The following HMOX1 variants were observed in gnomAD, a reference collection of about 807,000 sequenced individuals.
The protein encoded by HMOX1 is heat shock protein, 32-kD.
In HMOX1, 22 loss-of-function variants were observed where a neutral mutation model predicts 27.8. The ratio of observed to expected loss-of-function variants is 0.79; its 90% CI spans 0.57 to 1.13. HMOX1 has a LOEUF of 1.13. HMOX1 is among the 50% of genes most tolerant of loss of function. The pLI, the probability that HMOX1 is intolerant of heterozygous loss-of-function variation, is 0.00. For missense variants in HMOX1, 379 were observed against 377.7 expected (o/e 1.00, Z -0.03); for synonymous variants, 153 against 151.6 (o/e 1.01, Z -0.07).
intron 4 of HMOX1, among the ~76,000 whole-genome samples, chr22:35,392,779 G>A (rs181149247): frequency 8.6e-5 from 13 of 150,482 alleles, no homozygotes; most frequent in Admixed American, 2.7e-4. Flanking sequence ...GTACAGTGGC[G>A]CAATCTTGGC....
At chr22:35,389,300 T>TTTCTTTCTTTCTTTC (rs1931613562) in intron 3 of HMOX1, among the ~76,000 whole-genome samples, 3 of 83,268 alleles carry the variant, frequency 3.6e-5, no homozygotes, top group Admixed American at 1.1e-4. Context: ...TTCTTTCTTC[T>TTTCTTTCTTTCTTTC]TTCTTTCTTT....
In HMOX1 at chr22:35,389,287, CTCTT is replaced by C. The variant is rs1931609747; in HGVS notation, c.637-576_637-573del. Among the ~76,000 whole-genome samples, 3 of 101,376 alleles carry C rather than the reference CTCTT, an allele frequency of 3.0e-5. 1 individual carries two copies. Among genetic ancestry groups the C allele is most frequent in the African/African-American group, 9.6e-5 (2 of 20,852 alleles). 66.5% of individuals were successfully genotyped at this position (101,376 alleles called of 152,430 possible). On this transcript the variant is annotated intron_variant, in intron 3 of 4. Coordinates refer to ENST00000216117, the MANE Select transcript of HMOX1 (RefSeq NM_002133.3). ...CTCTCTCTCTCTCCTCTCTCTCTCT[CTCTT>C]CTTTCTTCTTTCTTTCTTTCTTTCT...
intron 3 of HMOX1, among the ~76,000 whole-genome samples, chr22:35,389,391 C>CCTTCCTTCCTTTCTTCCTTTCTTCCTTT (rs1931636921): frequency 4.0e-5 from 2 of 49,798 alleles, no homozygotes; most frequent in African/African-American, 2.5e-4. Flanking sequence ...TTCCTTCCTT[C>CCTTCCTTCCTTTCTTCCTTTCTTCCTTT]CTTCCTTTCT....
At chr22:35,385,923 G>A (rs554559346) in intron 2 of HMOX1, among the ~76,000 whole-genome samples, 11 of 141,498 alleles carry the variant, frequency 7.8e-5, no homozygotes, top group South Asian at 6.9e-4. Context: ...GAGCCACCGC[G>A]TCCAGCTGGC....
intron 3 of HMOX1, among the ~76,000 whole-genome samples, chr22:35,389,389 TTC>T (rs1569057601): frequency 0.085 from 6,366 of 75,158 alleles, 480 homozygotes; most frequent in South Asian, 0.17. Context: ...CCTTCCTTCC[TTC>T]CTTCCTTTCT....
At chr22:35,387,676 A>C (rs1205345837) in intron 3 of HMOX1, among the ~76,000 whole-genome samples, 2 of 152,164 alleles carry the variant, frequency 1.3e-5, no homozygotes, top group African/African-American at 4.8e-5. Context: ...TCCAGGGGGA[A>C]GGTGGGGTTT....
chr22:35,389,387 CCTTCCTTCCTTTCTTTCTTT>C (rs1456407826), intron 3 of HMOX1, among the ~76,000 whole-genome samples: 53 of 51,234 alleles, frequency 1.0e-3, no homozygotes, highest in Middle Eastern at 0.017. Flanking sequence ...TTCCTTCCTT[CCTTCCTTCCTTTCTTTCTTT>C]CTTTCTTTCT....
chr22:35,390,643 G>A (rs1296150088), intron 4 of HMOX1, among the ~76,000 whole-genome samples: 1 of 152,254 alleles, frequency 6.6e-6, no homozygotes, highest in African/African-American at 2.4e-5. Flanking sequence ...TTCCCCACCC[G>A]TAAAATCCAG....
intron 1 of HMOX1, among the ~76,000 whole-genome samples, chr22:35,382,776 A>C (rs979140040): frequency 6.6e-6 from 1 of 150,842 alleles, no homozygotes; most frequent in Non-Finnish European, 1.5e-5. Flanking sequence ...TCAAGCAATT[A>C]CAGGCATAAT....
chr22:35,389,560 A>G (rs1241878516), intron 3 of HMOX1, among the ~76,000 whole-genome samples: 1 of 150,954 alleles, frequency 6.6e-6, no homozygotes, highest in Non-Finnish European at 1.5e-5. Context: ...CTCCTGCCTC[A>G]GCCTCCCGAG....
rs773283751 is a variant in HMOX1 at position 35,387,023 on chromosome 22, C to T, written c.483C>T (p.Gly161=). The change falls in exon 3 of 5, where the codon GGC becomes GGT. Residue 161 remains glycine, a synonymous_variant. Coordinates refer to ENST00000216117, the MANE Select transcript of HMOX1 (RefSeq NM_002133.3). ...AAGCCCTGGACCTGCCCAGCTCTGG[C>T]GAGGGCCTGGCCTTCTTCACCTTCC... ...AQKALDLPSS[G]EGLAFFTFPN... 10 of 1,613,678 alleles carry T rather than the reference C, an allele frequency of 6.2e-6. No individual in the cohort carries two copies. Among genetic ancestry groups the T allele is most frequent in the East Asian group, 2.2e-5 (1 of 44,896 alleles).
At position 35,392,606 on chromosome 22, in the gene HMOX1, G is replaced by A. The variant is rs553510149; in HGVS notation, c.737-862G>A. Among the ~76,000 whole-genome samples the A allele has an allele frequency of 2.2e-4, 33 of 152,192 alleles. No individual in the cohort carries two copies. In the South Asian group the frequency reaches 6.4e-3, roughly 30 times the overall value. On this transcript the variant is annotated intron_variant, in intron 4 of 4. Transcript: ENST00000216117. ...TGGTCTGGCTCCAGAGACCTGCCCT[G>A]GACTCTGTCCTGCTTCTAAAGACCT...
chr22:35,393,025 T>G (rs903121953), intron 4 of HMOX1, among the ~76,000 whole-genome samples: 2 of 152,092 alleles, frequency 1.3e-5, no homozygotes, highest in Admixed American at 6.6e-5. Flanking sequence ...CCTATCACAT[T>G]TTAATAACCA....
chr22:35,384,124 C>T (rs1040253009), intron 2 of HMOX1, among the ~76,000 whole-genome samples: 4 of 151,832 alleles, frequency 2.6e-5, no homozygotes, highest in African/African-American at 7.3e-5. Context: ...CTCTGTTGTC[C>T]GGGCTGGAGT....
intron 2 of HMOX1, among the ~76,000 whole-genome samples, chr22:35,384,934 G>A (rs910229975): frequency 2.6e-5 from 4 of 151,656 alleles, no homozygotes; most frequent in South Asian, 2.1e-4. Context: ...AACCAGGTCC[G>A]TCACACTCAA....
intron 3 of HMOX1, among the ~76,000 whole-genome samples, chr22:35,389,239 T>TTCTTTCTTTCTTTCTTTC (rs879058204): frequency 2.7e-5 from 3 of 112,782 alleles, no homozygotes; most frequent in African/African-American, 4.7e-5. Flanking sequence ...CTTTCTTTCT[T>TTCTTTCTTTCTTTCTTTC]TTTCTTTCTT....
chr22:35,390,439 G>C (rs1344475719), intron 4 of HMOX1: 1 of 219,694 alleles, frequency 4.6e-6, no homozygotes, highest in Non-Finnish European at 9.2e-6. Flanking sequence ...ATGTTGGCCA[G>C]GCTGGTCTCG....
Position 35,393,658 on chromosome 22 carries a change from G to A in HMOX1, c.*60G>A. The stretch of plus-strand genomic sequence containing the variant: ...TGTCCGGTGGAAGGCCTTCTTTCTA[G>A]AGAGGGAATTCTCTTGGCTGGCTTC... On this transcript the variant is annotated 3_prime_UTR_variant, in exon 5 of 5. Coordinates refer to ENST00000216117, the MANE Select transcript of HMOX1 (RefSeq NM_002133.3). 6.2e-7 allele frequency: 1 copy of A among 1,608,438 alleles called. No individual in the cohort carries two copies. Among genetic ancestry groups the A allele is most frequent in the Non-Finnish European group, 8.5e-7 (1 of 1,175,248 alleles).
chr22:35,385,867 G>A (rs1042857755), intron 2 of HMOX1, among the ~76,000 whole-genome samples: 8 of 151,988 alleles, frequency 5.3e-5, no homozygotes, highest in East Asian at 3.9e-4. Context: ...TCCTGATCTC[G>A]TGATCCGCCT....
Sources: gnomAD v4.1 joint callset for allele counts (sites outside exome capture counted in the v4.1 genomes callset) on GRCh38, gnomAD v4.1.1 for gene constraint, MANE v1.5 for transcripts, NCBI Gene and HGNC (gene_info 2026-07-23, HGNC 2026-07-21) for gene names.